The following UVRAG variants were observed in gnomAD, a reference collection of about 807,000 sequenced individuals.
UVRAG encodes the protein UV radiation resistance associated.
In UVRAG, 19 loss-of-function variants were observed where a neutral mutation model predicts 78.0. The observed-to-expected ratio is 0.24, with a 90% CI of 0.17 to 0.36. UVRAG has a LOEUF of 0.36. Among genes scored for constraint, UVRAG ranks in the 10% least tolerant of loss-of-function variants. UVRAG has a pLI of 1.00. For missense variants in UVRAG, 740 were observed against 853.8 expected (o/e 0.87, Z 1.66); for synonymous variants, 323 against 324.6 (o/e 1.00, Z 0.05).
At chr11:75,887,703 T>A (rs1947117222) in intron 4 of UVRAG, among the ~76,000 whole-genome samples, 1 of 152,258 alleles carries the variant, frequency 6.6e-6, no homozygotes, top group South Asian at 2.1e-4. Flanking sequence ...CGCCTTGGCC[T>A]CCCAAAGTGC....
In UVRAG at chr11:75,828,801, A is replaced by AT. The variant is rs1354813765; in HGVS notation, c.117+13278dup. Among the ~76,000 whole-genome samples the AT allele has an allele frequency of 4.9e-3, 364 of 74,910 alleles. 11 individuals are homozygous for AT. The highest frequency in any genetic ancestry group is 8.8e-3 in the East Asian group (26 of 2,954). The allele number at this position is 74,910 out of a possible 152,430, so 49.1% of individuals were successfully genotyped here. ...CACACATATATATATATATATATAT[A>AT]TATATTTTTTTTTTTTTGTAGAGAC... is the stretch of plus-strand genomic sequence containing the variant. On this transcript the variant is annotated intron_variant, in intron 1 of 14. Transcript: ENST00000356136.
At chr11:75,903,108 T>TC (rs1037721012) in intron 5 of UVRAG, among the ~76,000 whole-genome samples, 1 of 151,506 alleles carries the variant, frequency 6.6e-6, no homozygotes, top group Non-Finnish European at 1.5e-5. Context: ...CTCCTCCTCC[T>TC]CTCTCTTTTT....
chr11:76,022,768 G>C (rs1272604443), intron 12 of UVRAG, among the ~76,000 whole-genome samples: 1 of 151,970 alleles, frequency 6.6e-6, no homozygotes, highest in Non-Finnish European at 1.5e-5. Context: ...CTTAGTTACT[G>C]GTAGGGAAAA....
At chr11:75,953,599 A>T (rs1948743865) in intron 6 of UVRAG, among the ~76,000 whole-genome samples, 1 of 152,138 alleles carries the variant, frequency 6.6e-6, no homozygotes. Flanking sequence ...GATCAATATT[A>T]TCTTCTAACT....
At chr11:75,849,367 G>A (rs536728467) in intron 1 of UVRAG, among the ~76,000 whole-genome samples, 263 of 151,656 alleles carry the variant, frequency 1.7e-3, no homozygotes, top group African/African-American at 6.2e-3. Flanking sequence ...TTAGCCGGGT[G>A]CCTGTAGTCC....
At chr11:75,846,321 A>G (rs1181859464) in intron 1 of UVRAG, among the ~76,000 whole-genome samples, 1 of 152,256 alleles carries the variant, frequency 6.6e-6, no homozygotes, top group Non-Finnish European at 1.5e-5. Flanking sequence ...GTGGGTGGGC[A>G]TCAGAATCAG....
At chr11:76,065,039 G>A (rs1276692004) in intron 12 of UVRAG, among the ~76,000 whole-genome samples, 6 of 152,070 alleles carry the variant, frequency 3.9e-5, no homozygotes, top group African/African-American at 1.4e-4. Flanking sequence ...AATAGTGAGG[G>A]GAGTTACTCT....
At chr11:75,942,593 C>T (rs1948506870) in intron 6 of UVRAG, among the ~76,000 whole-genome samples, 3 of 151,918 alleles carry the variant, frequency 2.0e-5, no homozygotes, top group African/African-American at 4.8e-5. Flanking sequence ...TTTCAAATGC[C>T]GTTCTGATGA....
At chr11:75,999,742 T>C (rs557693812) in intron 8 of UVRAG, among the ~76,000 whole-genome samples, 6 of 152,280 alleles carry the variant, frequency 3.9e-5, no homozygotes, top group African/African-American at 1.4e-4. Context: ...ATATTTCTAA[T>C]CAGAAAATCT....
At chr11:75,887,401 T>C (rs1007232807) in intron 4 of UVRAG, among the ~76,000 whole-genome samples, 2 of 149,744 alleles carry the variant, frequency 1.3e-5, no homozygotes, top group African/African-American at 4.9e-5. Flanking sequence ...CGCCTTGGCC[T>C]CCCGAAGTGC....
chr11:76,104,692 A>G (rs1951940242), intron 13 of UVRAG, among the ~76,000 whole-genome samples: 1 of 152,220 alleles, frequency 6.6e-6, no homozygotes, highest in Admixed American at 6.5e-5. Context: ...ACACATATAC[A>G]TGCACACAAT....
chr11:75,924,120 C>G (rs546441412), intron 6 of UVRAG, among the ~76,000 whole-genome samples: 58 of 152,180 alleles, frequency 3.8e-4, no homozygotes, highest in African/African-American at 1.4e-3. Flanking sequence ...TGGCTCAGAG[C>G]GAATGCTCAG....
chr11:75,828,828 G>C (rs115213366), intron 1 of UVRAG, among the ~76,000 whole-genome samples: 6,373 of 124,752 alleles, frequency 0.051, 575 homozygotes, highest in African/African-American at 0.18. Context: ...TGTAGAGACA[G>C]GGTTTTGCTG....
At chr11:76,046,490 G>C (rs951465755) in intron 12 of UVRAG, among the ~76,000 whole-genome samples, 2 of 152,134 alleles carry the variant, frequency 1.3e-5, no homozygotes, top group African/African-American at 2.4e-5. Context: ...AAAAAACTAG[G>C]TTGTTATTAA....
chr11:76,023,233 T>C (rs962355739), intron 12 of UVRAG, among the ~76,000 whole-genome samples: 1 of 152,216 alleles, frequency 6.6e-6, no homozygotes, highest in African/African-American at 2.4e-5. Flanking sequence ...GCCTTCACTT[T>C]CTGGTTGCAC....
At position 75,875,314 on chromosome 11, in the gene UVRAG, G is replaced by GT. The variant is rs1946743015; in HGVS notation, c.271-4558dup. On this transcript the variant is annotated intron_variant, in intron 3 of 14. Coordinates refer to ENST00000356136, the MANE Select transcript of UVRAG (RefSeq NM_003369.4). The stretch of plus-strand genomic sequence containing the variant: ...GCATATGTTAGTGTCACACTCCCAA[G>GT]TTTTTTTGTCTGAAAATGTATTCAT... Among the ~76,000 whole-genome samples the GT allele has an allele frequency of 3.3e-5, 5 of 152,178 alleles. No individual in the cohort carries two copies. The East Asian group carries it at 5.8e-4, about 18-fold the overall frequency.
intron 12 of UVRAG, among the ~76,000 whole-genome samples, chr11:76,050,394 T>A (rs1439454050): frequency 1.3e-5 from 2 of 152,208 alleles, no homozygotes; most frequent in African/African-American, 4.8e-5. Context: ...AATATATTCA[T>A]TTGTTTAATC....
At chr11:75,999,451 C>T (rs539482070) in intron 8 of UVRAG, among the ~76,000 whole-genome samples, 7 of 151,742 alleles carry the variant, frequency 4.6e-5, no homozygotes, top group Non-Finnish European at 1.0e-4. Context: ...GGTGCAATCT[C>T]GGCTTACTGC....
chr11:75,953,241 C>G (rs565773656), intron 6 of UVRAG, among the ~76,000 whole-genome samples: 1 of 152,092 alleles, frequency 6.6e-6, no homozygotes, highest in Non-Finnish European at 1.5e-5. Context: ...TTGGAATAAC[C>G]TCACACTAAC....
Sources: allele counts gnomAD v4.1 joint callset (sites outside exome capture counted in the v4.1 genomes callset), GRCh38; gene constraint gnomAD v4.1.1; transcripts MANE v1.5; gene names NCBI Gene and HGNC (gene_info 2026-07-23, HGNC 2026-07-21).